LY86: variants seen among roughly 807,000 people sequenced by gnomAD.
LY86 encodes MD-1, RP105-associated.
LY86 carries 20 observed loss-of-function variants against 17.3 expected under a neutral mutation model. The ratio of observed to expected loss-of-function variants is 1.15; its 90% CI spans 0.81 to 1.68. The LOEUF is 1.68. Among genes scored for constraint, LY86 ranks in the 40% most tolerant of loss-of-function variants. LY86 has a pLI of 0.00. For synonymous variants in LY86, 74 were observed against 70.6 expected (o/e 1.05, Z -0.24); for missense variants, 200 against 191.9 (o/e 1.04, Z -0.25).
At chr6:6,641,901 G>A (rs990217762) in intron 3 of LY86, among the ~76,000 whole-genome samples, 4 of 152,240 alleles carry the variant, frequency 2.6e-5, no homozygotes, top group African/African-American at 7.2e-5. Flanking sequence ...TACCAGCACA[G>A]GGAGCTAGGG....
chr6:6,612,001 C>CACTATGAGTACTGAGT (rs145367366), intron 1 of LY86, among the ~76,000 whole-genome samples: 2 of 31,974 alleles, frequency 6.3e-5, no homozygotes, highest in African/African-American at 9.3e-4. Context: ...GAGTACTGAA[C>CACTATGAGTACTGAGT]ACTATGAAAA....
At chr6:6,611,984 C>T (rs977623594) in intron 1 of LY86, among the ~76,000 whole-genome samples, 2 of 63,976 alleles carry the variant, frequency 3.1e-5, no homozygotes, top group African/African-American at 2.0e-4. Context: ...TATCTACCCC[C>T]TTAACTGAGT....
At chr6:6,642,406 C>T (rs1056007998) in intron 3 of LY86, among the ~76,000 whole-genome samples, 1 of 152,174 alleles carries the variant, frequency 6.6e-6, no homozygotes, top group Non-Finnish European at 1.5e-5. Flanking sequence ...GGCCCGGGAG[C>T]TTGAGGAGAT....
chr6:6,637,771 T>A (rs1761981236), intron 3 of LY86, among the ~76,000 whole-genome samples: 1 of 152,196 alleles, frequency 6.6e-6, no homozygotes, highest in Non-Finnish European at 1.5e-5. Flanking sequence ...CGCATTACTC[T>A]TTCCCAGGGT....
At chr6:6,598,962 C>T (rs1760813053) in intron 1 of LY86, among the ~76,000 whole-genome samples, 1 of 152,176 alleles carries the variant, frequency 6.6e-6, no homozygotes, top group Non-Finnish European at 1.5e-5. Flanking sequence ...TGACTGTTGC[C>T]TGATATTCTG....
intron 1 of LY86, among the ~76,000 whole-genome samples, chr6:6,600,500 G>C (rs1169323768): frequency 2.0e-5 from 3 of 148,684 alleles, no homozygotes; most frequent in Non-Finnish European, 4.4e-5. Flanking sequence ...TGAGGCAGGG[G>C]AATCGCTTGA....
intron 3 of LY86, among the ~76,000 whole-genome samples, chr6:6,631,360 C>T (rs1489950994): frequency 6.6e-6 from 1 of 152,194 alleles, no homozygotes; most frequent in Non-Finnish European, 1.5e-5. Context: ...AGCTCCAAAC[C>T]CCTCTGCTGT....
intron 1 of LY86, among the ~76,000 whole-genome samples, chr6:6,600,524 A>G (rs1202849470): frequency 1.4e-5 from 2 of 140,818 alleles, no homozygotes; most frequent in Non-Finnish European, 3.0e-5. Flanking sequence ...CGGGAGGCAG[A>G]GGTTGCAGTG....
At chr6:6,647,517 G>A (rs1762123116) in intron 3 of LY86, among the ~76,000 whole-genome samples, 1 of 152,046 alleles carries the variant, frequency 6.6e-6, no homozygotes, top group Non-Finnish European at 1.5e-5. Context: ...TCTTGTCAAG[G>A]TCACCAAATG....
At chr6:6,607,524 T>A (rs1354044186) in intron 1 of LY86, among the ~76,000 whole-genome samples, 1 of 151,878 alleles carries the variant, frequency 6.6e-6, no homozygotes, top group Non-Finnish European at 1.5e-5. Flanking sequence ...AATATTCCAA[T>A]TAAATCCAAA....
chr6:6,590,630 C>T (rs1013792061), intron 1 of LY86, among the ~76,000 whole-genome samples: 3 of 152,180 alleles, frequency 2.0e-5, no homozygotes, highest in Non-Finnish European at 4.4e-5. Context: ...AGGATCACAT[C>T]TGCTGTTAGA....
chr6:6,652,521 C>A (rs1762203110), intron 4 of LY86, among the ~76,000 whole-genome samples: 1 of 152,174 alleles, frequency 6.6e-6, no homozygotes, highest in Non-Finnish European at 1.5e-5. Context: ...GGATTGAAGC[C>A]CTACCTGCTG....
intron 1 of LY86, among the ~76,000 whole-genome samples, chr6:6,596,192 A>C (rs1008823058): frequency 3.9e-5 from 6 of 152,358 alleles, no homozygotes; most frequent in African/African-American, 1.2e-4. Flanking sequence ...TCAGACTTGA[A>C]GAATGTAAAA....
At chr6:6,606,907 G>C (rs150178488) in intron 1 of LY86, among the ~76,000 whole-genome samples, 1 of 152,280 alleles carries the variant, frequency 6.6e-6, no homozygotes, top group Non-Finnish European at 1.5e-5. Context: ...CACCTCAAGC[G>C]TGGACAGAGT....
chr6:6,653,815 C>G (rs57241142), intron 4 of LY86, among the ~76,000 whole-genome samples: 1 of 152,338 alleles, frequency 6.6e-6, no homozygotes, highest in East Asian at 1.9e-4. Context: ...TCAGCGGATC[C>G]TATTGGCTGT....
At chr6:6,614,521 C>T (rs1208475686) in intron 1 of LY86, among the ~76,000 whole-genome samples, 1 of 152,128 alleles carries the variant, frequency 6.6e-6, no homozygotes, top group Admixed American at 6.5e-5. Flanking sequence ...CTCTCCCAGC[C>T]CCACGCCGCC....
chr6:6,593,676 T>C (rs982471627), intron 1 of LY86, among the ~76,000 whole-genome samples: 11 of 152,332 alleles, frequency 7.2e-5, no homozygotes, highest in African/African-American at 2.2e-4. Context: ...AACAAGGACA[T>C]GGCATTGTTT....
chr6:6,595,750 C>G (rs190231792), intron 1 of LY86, among the ~76,000 whole-genome samples: 2 of 152,284 alleles, frequency 1.3e-5, no homozygotes, highest in African/African-American at 2.4e-5. Flanking sequence ...TCATTAAGAA[C>G]AGCATATTTT....
chr6:6,605,025 C>T (rs967313212), intron 1 of LY86, among the ~76,000 whole-genome samples: 4 of 139,072 alleles, frequency 2.9e-5, no homozygotes, highest in African/African-American at 9.9e-5. Context: ...AAGTAAAAGA[C>T]TTTGGAGAAA....
Sources: gnomAD v4.1 joint callset for allele counts (sites outside exome capture counted in the v4.1 genomes callset) on GRCh38, gnomAD v4.1.1 for gene constraint, MANE v1.5 for transcripts, NCBI Gene and HGNC (gene_info 2026-07-23, HGNC 2026-07-21) for gene names.